The following ATRX variants were observed in gnomAD, a reference collection of about 807,000 sequenced individuals.
The protein encoded by ATRX is ATRX chromatin remodeler.
A neutral mutation model predicts 172.6 loss-of-function variants in ATRX; 12 were observed. The observed-to-expected ratio is 0.07, with a 90% confidence interval of 0.04 to 0.11. ATRX has a LOEUF of 0.11. Among genes scored for constraint, ATRX ranks in the 10% least tolerant of loss-of-function variants. The pLI is 1.00. For synonymous variants in ATRX, 674 were observed against 594.7 expected (o/e 1.13, Z -1.94); for missense variants, 1,368 against 1,767.4 (o/e 0.77, Z 4.05).
intron 30 of ATRX, among the ~76,000 whole-genome samples, chrX:77,553,988 ATAAC>A (rs781907669): frequency 4.6e-4 from 52 of 111,943 alleles, no homozygotes; most frequent in African/African-American, 1.6e-3. Context: ...CAATGAATGA[ATAAC>A]TAAGCTTCAT....
chrX:77,645,781 T>C (rs1557113340), intron 15 of ATRX, among the ~76,000 whole-genome samples: 1 of 112,305 alleles, frequency 8.9e-6, no homozygotes, highest in Non-Finnish European at 1.9e-5. Context: ...TATAAAAATG[T>C]AATTTGTGAT....
intron 26 of ATRX, among the ~76,000 whole-genome samples, chrX:77,592,799 C>T (rs1307976270): frequency 1.0e-5 from 1 of 98,391 alleles, no homozygotes; most frequent in African/African-American, 3.8e-5. Flanking sequence ...GCAACAACAG[C>T]AAAACTCCGT....
chrX:77,549,262 G>A (rs1419667117), intron 30 of ATRX, among the ~76,000 whole-genome samples: 1 of 111,397 alleles, frequency 9.0e-6, no homozygotes, highest in Admixed American at 9.6e-5. Flanking sequence ...GCGCATGCCT[G>A]TAATCCCAGC....
intron 22 of ATRX, among the ~76,000 whole-genome samples, chrX:77,607,255 C>T (rs1441386476): frequency 5.4e-5 from 6 of 111,891 alleles, no homozygotes; most frequent in Non-Finnish European, 1.1e-4. Context: ...AAAGACTCCA[C>T]CAAAAAACTA....
At chrX:77,661,507 A>G (rs2069903045) in intron 12 of ATRX, among the ~76,000 whole-genome samples, 1 of 109,798 alleles carries the variant, frequency 9.1e-6, no homozygotes, top group African/African-American at 3.3e-5. Context: ...TGCATCCTTT[A>G]GAGCCTATTA....
rs1355773607 is a variant in ATRX at position 77,696,580 on chromosome X, T to C, written c.367A>G (p.Lys123Glu). The change falls in exon 5 of 35, where the codon AAA (lysine) becomes GAA (glutamate). Residue 123 changes from lysine to glutamate, a missense_variant. By Grantham distance (56) the Lys-to-Glu change is moderately conservative. Coordinates refer to ENST00000373344, the MANE Select transcript of ATRX (RefSeq NM_000489.6). ...ENDITMQSLP[K>E]GTVIVQPEPV... is the part of the protein sequence containing the mutation. ...ATGAAAAATTAACACACATTACCTT[T>C]TGGCAAGCTCTGCATAGTAATATCA... is the stretch of plus-strand genomic sequence containing the variant. 8.3e-7 allele frequency: 1 copy of C among 1,204,624 alleles called. No homozygotes were observed. Among genetic ancestry groups the C allele is most frequent in the Non-Finnish European group, 1.1e-6 (1 of 890,901 alleles).
chrX:77,541,111 C>T (rs182602895), intron 30 of ATRX, among the ~76,000 whole-genome samples: 92 of 111,310 alleles, frequency 8.3e-4, no homozygotes, highest in South Asian at 2.2e-3. Context: ...ATCAAATAGA[C>T]GCAATAAAAA....
rs537966178 is a variant in ATRX, at chrX:77,549,955, A to AAAATG, written c.6699+7491_6699+7495dup. On this transcript the variant is annotated intron_variant, in intron 30 of 34. Transcript: ENST00000373344. ...GGCAATAGAACGAGACCTTGTCTCA[A>AAAATG]AAATGAAATGAAATGAAATGAAATG... Among the ~76,000 whole-genome samples the AAAATG allele has an allele frequency of 6.5e-3, 730 of 111,570 alleles. 2 individuals are homozygous for AAAATG. The highest frequency in any genetic ancestry group is 0.015 in the African/African-American group (450 of 30,566).
chrX:77,674,869 T>A (rs924604313), intron 10 of ATRX: 6 of 111,617 alleles, frequency 5.4e-5, no homozygotes, highest in Admixed American at 2.9e-4. Flanking sequence ...ATCACTCCAT[T>A]CTGGAACCTA....
intron 28 of ATRX, among the ~76,000 whole-genome samples, chrX:77,559,264 T>C (rs1399003139): frequency 4.6e-5 from 5 of 108,120 alleles, no homozygotes; most frequent in African/African-American, 1.7e-4. Context: ...TCAACATTTA[T>C]AATACAGCAT....
chrX:77,574,489 T>A (rs1471973126), intron 27 of ATRX, 131 bp from the exon 28 acceptor site: 1 of 461,551 alleles, frequency 2.2e-6, no homozygotes, highest in Non-Finnish European at 3.8e-6. Context: ...CAAAATACAT[T>A]ATATACTTTT....
intron 27 of ATRX, among the ~76,000 whole-genome samples, chrX:77,584,628 C>T (rs1199477687): frequency 9.0e-6 from 1 of 111,378 alleles, no homozygotes; most frequent in Non-Finnish European, 1.9e-5. Flanking sequence ...AACTAGACCC[C>T]TATCTCTCGC....
chrX:77,713,654 C>G (rs781830287), intron 2 of ATRX, among the ~76,000 whole-genome samples: 1 of 111,403 alleles, frequency 9.0e-6, no homozygotes, highest in African/African-American at 3.3e-5. Context: ...TATACTGATA[C>G]AAATAATTGA....
chrX:77,652,007 G>A, intron 15 of ATRX, 107 bp downstream of exon 15: 1 of 855,040 alleles, frequency 1.2e-6, no homozygotes, highest in Non-Finnish European at 1.7e-6. Flanking sequence ...AAGTTTAGGA[G>A]GCCAAGGTAG....
intron 1 of ATRX, among the ~76,000 whole-genome samples, chrX:77,778,679 C>T (rs2076450278): frequency 9.3e-6 from 1 of 107,215 alleles, no homozygotes; most frequent in Non-Finnish European, 1.9e-5. Flanking sequence ...CAAGATCATG[C>T]CACTGCACTC....
rs140400643 is a variant in ATRX, at chrX:77,688,658, T to C, written c.594+160A>G. Among the ~76,000 whole-genome samples, 7 of 112,053 alleles carry C rather than the reference T, an allele frequency of 6.2e-5. No individual in the cohort carries two copies. The East Asian group carries it at 1.7e-3, about 27-fold the overall frequency. ...CATAATCACAGTATCTCCCCTATCA[T>C]GACACTTAGGCTTTGTACGTCTATT... On this transcript the variant is annotated intron_variant, in intron 7 of 34. Coordinates refer to ENST00000373344, the MANE Select transcript of ATRX (RefSeq NM_000489.6).
chrX:77,705,950 A>G (rs2072795792), intron 2 of ATRX, among the ~76,000 whole-genome samples: 2 of 111,048 alleles, frequency 1.8e-5, no homozygotes, highest in African/African-American at 6.6e-5. Context: ...TTAAGAGTCC[A>G]GAAATAAACC....
chrX:77,593,418 AAC>A (rs1259263550), intron 26 of ATRX, among the ~76,000 whole-genome samples: 3 of 111,024 alleles, frequency 2.7e-5, no homozygotes, highest in Non-Finnish European at 5.7e-5. Context: ...AAGATGGAGA[AAC>A]ACAAATTTCA....
chrX:77,573,175 A>G (rs1204330689), intron 28 of ATRX, among the ~76,000 whole-genome samples: 1 of 111,958 alleles, frequency 8.9e-6, no homozygotes, highest in Non-Finnish European at 1.9e-5. Flanking sequence ...ATCTCATAAG[A>G]GTATAATACA....
Sources: gnomAD v4.1 joint callset for allele counts (sites outside exome capture counted in the v4.1 genomes callset) on GRCh38, gnomAD v4.1.1 for gene constraint, MANE v1.5 for transcripts, NCBI Gene and HGNC (gene_info 2026-07-23, HGNC 2026-07-21) for gene names.